The following DOCK3 variants were observed in gnomAD, a reference collection of about 807,000 sequenced individuals.
DOCK3 encodes dedicator of cytokinesis protein 3.
In DOCK3, 60 loss-of-function variants were observed where a neutral mutation model predicts 265.6. The observed-to-expected ratio is 0.23, with a 90% CI of 0.18 to 0.28. DOCK3 has a LOEUF of 0.28. Among genes scored for constraint, DOCK3 ranks in the 10% least tolerant of loss-of-function variants. The pLI, the probability that DOCK3 is intolerant of heterozygous loss-of-function variation, is 1.00. For synonymous variants in DOCK3, 881 were observed against 938.0 expected, an observed-to-expected ratio of 0.94 and a Z score of 1.11; for missense variants, 1,981 against 2,594.3, an observed-to-expected ratio of 0.76 and a Z score of 5.14.
chr3:50,979,347 A>C (rs2108538354), intron 5 of DOCK3, among the ~76,000 whole-genome samples: 1 of 152,306 alleles, frequency 6.6e-6, no homozygotes, highest in South Asian at 2.1e-4. Flanking sequence ...TCCAAAGCTC[A>C]TGTTGAAATG....
chr3:50,740,397 G>A (rs952738060), intron 1 of DOCK3, among the ~76,000 whole-genome samples: 1 of 151,980 alleles, frequency 6.6e-6, no homozygotes, highest in Non-Finnish European at 1.5e-5. Flanking sequence ...GGAATGGAAC[G>A]GTTAAATTAT....
chr3:51,199,753 C>A (rs985012794), intron 12 of DOCK3, among the ~76,000 whole-genome samples: 2 of 152,334 alleles, frequency 1.3e-5, no homozygotes, highest in African/African-American at 4.8e-5. Flanking sequence ...GGGTCCCTGA[C>A]CCCTGAGCAG....
chr3:50,786,784 C>T (rs62261860), intron 2 of DOCK3: 210,154 of 725,326 alleles, frequency 0.29, 33,931 homozygotes, highest in South Asian at 0.4. Flanking sequence ...GGCACATGAA[C>T]TGTTTGTGCC....
intron 5 of DOCK3, among the ~76,000 whole-genome samples, chr3:51,058,484 G>A (rs73085277): frequency 2.4e-4 from 37 of 152,212 alleles, no homozygotes; most frequent in Middle Eastern, 3.4e-3. Flanking sequence ...GTGTTTGTGC[G>A]TGTGGCATAG....
chr3:50,912,091 A>G (rs547390903), intron 4 of DOCK3, among the ~76,000 whole-genome samples: 1 of 152,062 alleles, frequency 6.6e-6, no homozygotes, highest in South Asian at 2.1e-4. Context: ...TTGTAGAGAT[A>G]TATATGATCA....
At chr3:50,859,587 A>C (rs891620409) in intron 3 of DOCK3, among the ~76,000 whole-genome samples, 3 of 152,098 alleles carry the variant, frequency 2.0e-5, no homozygotes, top group Middle Eastern at 6.8e-3. Context: ...TCATCTCTGC[A>C]TGTGGGTGTT....
intron 27 of DOCK3, among the ~76,000 whole-genome samples, chr3:51,292,729 G>A (rs1360013289): frequency 6.6e-6 from 1 of 152,096 alleles, no homozygotes; most frequent in Non-Finnish European, 1.5e-5. Context: ...CCAGACTGGA[G>A]TGCAGTAGCA....
At chr3:51,091,614 C>T (rs1205140258) in intron 9 of DOCK3, among the ~76,000 whole-genome samples, 5 of 137,706 alleles carry the variant, frequency 3.6e-5, no homozygotes, top group Admixed American at 7.8e-5. Flanking sequence ...ACCTGGGAGG[C>T]GGAGGTTGCA....
intron 51 of DOCK3, among the ~76,000 whole-genome samples, chr3:51,376,194 C>A (rs2088112520): frequency 1.3e-5 from 2 of 152,154 alleles, no homozygotes; most frequent in Non-Finnish European, 2.9e-5. Flanking sequence ...CCCTTTGGTC[C>A]CTCTCAGCTT....
chr3:50,781,496 G>A (rs987340329), intron 2 of DOCK3, among the ~76,000 whole-genome samples: 21 of 151,992 alleles, frequency 1.4e-4, no homozygotes, highest in African/African-American at 4.8e-4. Context: ...CTGGTCTTGA[G>A]CTCCTGGGCT....
At chr3:50,933,889 A>T (rs1020787426) in intron 4 of DOCK3, 92 bp from the exon 5 acceptor site, 1 of 769,796 alleles carries the variant, frequency 1.3e-6, no homozygotes, top group African/African-American at 1.7e-5. Context: ...TAAATTTAAA[A>T]TTTGAGTTAA....
chr3:50,829,579 A>G (rs2045005410), intron 2 of DOCK3, among the ~76,000 whole-genome samples: 1 of 152,170 alleles, frequency 6.6e-6, no homozygotes, highest in Admixed American at 6.5e-5. Flanking sequence ...TGCCCTCAGA[A>G]AAAAAAAGTC....
intron 25 of DOCK3, among the ~76,000 whole-genome samples, chr3:51,277,362 A>G (rs1233956375): frequency 6.6e-6 from 1 of 152,170 alleles, no homozygotes; most frequent in African/African-American, 2.4e-5. Flanking sequence ...TGAGATTCAA[A>G]GTTGCAGGTG....
intron 3 of DOCK3, among the ~76,000 whole-genome samples, chr3:50,852,997 A>C (rs759769197): frequency 1.4e-4 from 22 of 152,186 alleles, no homozygotes; most frequent in Non-Finnish European, 3.2e-4. Flanking sequence ...TAATTGGGAT[A>C]TATCCATCAC....
chr3:51,253,133 TG>T (rs1489450235), intron 22 of DOCK3, among the ~76,000 whole-genome samples: 1 of 152,242 alleles, frequency 6.6e-6, no homozygotes, highest in African/African-American at 2.4e-5. Context: ...TGTGGTTTTT[TG>T]TCTTTGGTTC....
At chr3:50,945,941 T>G (rs1010995460) in intron 5 of DOCK3, among the ~76,000 whole-genome samples, 17 of 151,744 alleles carry the variant, frequency 1.1e-4, no homozygotes, top group Admixed American at 3.3e-4. Context: ...ATATAAAAAG[T>G]TTAGGGCCAG....
At chr3:51,177,860 G>T (rs770839110) in intron 12 of DOCK3, among the ~76,000 whole-genome samples, 7 of 151,858 alleles carry the variant, frequency 4.6e-5, no homozygotes, top group Non-Finnish European at 8.8e-5. Context: ...GCATAGTGGC[G>T]CATGCCTGTA....
intron 2 of DOCK3, among the ~76,000 whole-genome samples, chr3:50,831,335 C>T (rs1053741509): frequency 3.9e-4 from 59 of 151,854 alleles, no homozygotes; most frequent in Admixed American, 3.8e-3. Flanking sequence ...CCCATCAACC[C>T]GTCATCTACA....
intron 16 of DOCK3, among the ~76,000 whole-genome samples, chr3:51,227,768 A>G (rs1366620490): frequency 6.6e-6 from 1 of 152,194 alleles, no homozygotes; most frequent in East Asian, 1.9e-4. Context: ...AAGACCAGCA[A>G]TTTAGTTTCT....
Sources: gnomAD v4.1 joint callset for allele counts (sites outside exome capture counted in the v4.1 genomes callset) on GRCh38, gnomAD v4.1.1 for gene constraint, MANE v1.5 for transcripts, NCBI Gene and HGNC (gene_info 2026-07-23, HGNC 2026-07-21) for gene names.